Variants in TAF4 observed in about 807,000 individuals in gnomAD.
TAF4 encodes the protein transcription initiation factor TFIID subunit 4.
TAF4 carries 9 observed loss-of-function variants against 90.3 expected under a neutral mutation model. The observed-to-expected ratio is 0.10, with a 90% CI of 0.06 to 0.17. The LOEUF is 0.17. Ranked by LOEUF, TAF4 falls within the 10% of genes least tolerant of loss-of-function variation. The pLI is 1.00. For synonymous variants in TAF4, 818 were observed against 638.9 expected (o/e 1.28, Z -4.23); for missense variants, 1,351 against 1,370.7 (o/e 0.99, Z 0.23).
At chr20:62,063,090 C>T (rs1283067329) in intron 1 of TAF4, among the ~76,000 whole-genome samples, 2 of 152,148 alleles carry the variant, frequency 1.3e-5, no homozygotes, top group Non-Finnish European at 2.9e-5. Flanking sequence ...TTCAGTACCC[C>T]AAAAGCTTGT....
At chr20:61,985,525 A>G (rs191322439) in intron 14 of TAF4, among the ~76,000 whole-genome samples, 2 of 152,234 alleles carry the variant, frequency 1.3e-5, no homozygotes, top group Admixed American at 1.3e-4. Context: ...GAGGTTAAAT[A>G]AAAGGGCCGC....
chr20:62,003,516 A>C (rs1229521899), intron 8 of TAF4, among the ~76,000 whole-genome samples: 1 of 152,262 alleles, frequency 6.6e-6, no homozygotes, highest in African/African-American at 2.4e-5. Flanking sequence ...CAGATAAAGA[A>C]GCTAACCATG....
At chr20:62,037,572 C>G (rs992675716) in intron 1 of TAF4, 3 of 152,346 alleles carry the variant, frequency 2.0e-5, no homozygotes, top group African/African-American at 4.8e-5. Context: ...TGGATGAACC[C>G]GACCACCAGC....
At chr20:62,024,871 CAA>C (rs75409638) in intron 1 of TAF4, among the ~76,000 whole-genome samples, 2 of 136,832 alleles carry the variant, frequency 1.5e-5, no homozygotes, top group Admixed American at 7.4e-5. Context: ...CTCCGCGTCT[CAA>C]AAAAAAAAAA....
At chr20:62,024,771 GA>G (rs1568935297) in intron 1 of TAF4, among the ~76,000 whole-genome samples, 1 of 152,088 alleles carries the variant, frequency 6.6e-6, no homozygotes, top group African/African-American at 2.4e-5. Flanking sequence ...TTGGGAGGCT[GA>G]GGCACGAAAA....
intron 9 of TAF4, among the ~76,000 whole-genome samples, 172 bp from the exon 10 acceptor site, chr20:62,000,893 G>A (rs1007545838): frequency 1.8e-4 from 28 of 152,320 alleles, no homozygotes; most frequent in African/African-American, 6.0e-4. Flanking sequence ...AGGGTGCCTC[G>A]CTGCTTTCCT....
At chr20:61,994,927 A>T (rs1274988819) in intron 14 of TAF4, among the ~76,000 whole-genome samples, 1 of 152,230 alleles carries the variant, frequency 6.6e-6, no homozygotes, top group Non-Finnish European at 1.5e-5. Flanking sequence ...CACACCCTAG[A>T]GTAAGACCTA....
At chr20:61,988,887 G>A (rs940234497) in intron 14 of TAF4, among the ~76,000 whole-genome samples, 3 of 152,090 alleles carry the variant, frequency 2.0e-5, no homozygotes, top group Non-Finnish European at 4.4e-5. Flanking sequence ...TTCCCTAGAG[G>A]CTACTCCACA....
In TAF4 at chr20:61,994,030, G is replaced by A. The variant is rs140106970; in HGVS notation, c.3090+3520C>T. 1.1e-4 allele frequency among the ~76,000 whole-genome samples: 16 copies of A among 151,660 alleles called. No individual in the cohort carries two copies. The East Asian group carries it at 2.1e-3, about 20-fold the overall frequency. ...CCTCCCAAAGTGCTGGGATTACAAC[G>A]TTCTAGTTCTCGAACTGATGATGGG... On this transcript the variant is annotated intron_variant, in intron 14 of 14. Transcript: ENST00000252996.
intron 14 of TAF4, among the ~76,000 whole-genome samples, chr20:61,996,379 C>T (rs984260853): frequency 1.3e-5 from 2 of 151,148 alleles, no homozygotes; most frequent in African/African-American, 2.4e-5. Context: ...TGAGACCCTG[C>T]GTCTAAAAAA....
intron 1 of TAF4, among the ~76,000 whole-genome samples, chr20:62,057,283 G>C (rs533525293): frequency 6.6e-6 from 1 of 152,290 alleles, no homozygotes; most frequent in African/African-American, 2.4e-5. Context: ...GAAGGGTTCA[G>C]CTCCCTGGCT....
rs60437230 is a variant in TAF4 at position 62,004,328 on chromosome 20, CTTTTTTT to C, written c.2224-457_2224-451del. 5.1e-5 allele frequency among the ~76,000 whole-genome samples: 6 copies of C among 117,198 alleles called. 2 individuals carry two copies. The highest frequency in any genetic ancestry group is 1.0e-4 in the Non-Finnish European group (6 of 58,450). 76.9% of individuals were successfully genotyped at this position (117,198 alleles called of 152,430 possible). On this transcript the variant is annotated intron_variant, in intron 7 of 14. Transcript: ENST00000252996. ...TGAATTTTCTTTTTTCTTTTCTTTT[CTTTTTTT>C]TTTTTTTTTTGAGACAAGTCTCGCT...
At position 61,995,679 on chromosome 20, in the gene TAF4, A is replaced by G. The variant is rs1489037515; in HGVS notation, c.3090+1871T>C. On this transcript the variant is annotated intron_variant, in intron 14 of 14. Coordinates refer to ENST00000252996, the MANE Select transcript of TAF4 (RefSeq NM_003185.4). ...GAGATCGAGACCATCCTGGCTAACAAGGTGAAACCCCGTCTCTACTAAAAA... is the reference window on the plus strand; with the variant it reads ...GAGATCGAGACCATCCTGGCTAACAGGGTGAAACCCCGTCTCTACTAAAAA... Among the ~76,000 whole-genome samples the G allele has an allele frequency of 2.8e-5, 2 of 70,434 alleles. 1 individual carries two copies. Among genetic ancestry groups the G allele is most frequent in the African/African-American group, 1.4e-4 (2 of 14,006 alleles). The allele number at this position is 70,434 out of a possible 152,430, so 46.2% of individuals were successfully genotyped here. A position where few individuals can be genotyped will look rare whatever the true frequency, so the allele number is the denominator to read the frequency against.
Position 61,997,566 on chromosome 20 carries a change from G to A in TAF4, c.3074C>T (p.Pro1025Leu), listed in dbSNP as rs1489511164. 26 of 1,599,792 alleles carry A rather than the reference G, an allele frequency of 1.6e-5. No homozygotes were observed. Among genetic ancestry groups the A allele is most frequent in the East Asian group, 4.6e-5 (2 of 43,762 alleles). ...RKKRKVDCPGPGSGAEGSGPG... is the reference protein window; with the variant it reads ...RKKRKVDCPGLGSGAEGSGPG... ...CTGCCGTACCTCTGCTCCTGAGCCC[G>A]GCCCCGGACAGTCCACTTTCCTCTT... is the stretch of plus-strand genomic sequence containing the variant. Residue 1025 changes from proline to leucine, a missense_variant, in exon 14 of 15, where the codon CCG becomes CTG. Coordinates refer to ENST00000252996, the MANE Select transcript of TAF4 (RefSeq NM_003185.4).
At chr20:62,001,468 G>C (rs550674827) in intron 9 of TAF4, among the ~76,000 whole-genome samples, 1 of 152,378 alleles carries the variant, frequency 6.6e-6, no homozygotes, top group South Asian at 2.1e-4. Flanking sequence ...CTCGTGAGGA[G>C]ATGTGAGCTA....
At chr20:62,003,989 T>G (rs1322321662) in intron 7 of TAF4, 111 bp from the exon 8 acceptor site, 23 of 1,338,476 alleles carry the variant, frequency 1.7e-5, no homozygotes, top group Non-Finnish European at 2.3e-5. Context: ...ACGCCCCCAG[T>G]AAGAAGTCCT....
At chr20:61,976,861 G>C (rs1403277324) in intron 14 of TAF4, among the ~76,000 whole-genome samples, 1 of 152,222 alleles carries the variant, frequency 6.6e-6, no homozygotes, top group Non-Finnish European at 1.5e-5. Flanking sequence ...CTGAGCCTCT[G>C]GCTGGGCCCT....
intron 1 of TAF4, among the ~76,000 whole-genome samples, chr20:62,023,832 C>A (rs1460111968): frequency 6.6e-6 from 1 of 151,472 alleles, no homozygotes; most frequent in Non-Finnish European, 1.5e-5. Flanking sequence ...CCTGTAATCC[C>A]AGCACTCTGG....
At chr20:62,039,301 G>A (rs1318751805) in intron 1 of TAF4, among the ~76,000 whole-genome samples, 1 of 152,168 alleles carries the variant, frequency 6.6e-6, no homozygotes, top group Non-Finnish European at 1.5e-5. Context: ...CCTCACACGT[G>A]GCCGACTGAG....
Sources: allele counts gnomAD v4.1 joint callset (sites outside exome capture counted in the v4.1 genomes callset), GRCh38; gene constraint gnomAD v4.1.1; transcripts MANE v1.5; gene names NCBI Gene and HGNC (gene_info 2026-07-23, HGNC 2026-07-21).